The following NRXN1 variants were observed in gnomAD, a reference collection of about 807,000 sequenced individuals.
NRXN1 encodes neurexin-1.
In NRXN1, 39 loss-of-function variants were observed where a neutral mutation model predicts 150.9. The ratio of observed to expected loss-of-function variants is 0.26; its 90% CI spans 0.20 to 0.34. The LOEUF (loss-of-function observed/expected upper bound fraction) is 0.34. Among genes scored for constraint, NRXN1 ranks in the 10% least tolerant of loss-of-function variants. NRXN1 has a pLI of 1.00. For synonymous variants in NRXN1, 924 were observed against 757.0 expected (o/e 1.22, Z -3.62); for missense variants, 1,815 against 1,949.9 (o/e 0.93, Z 1.30).
intron 8 of NRXN1, among the ~76,000 whole-genome samples, chr2:50,557,316 A>T (rs1402029530): frequency 6.6e-6 from 1 of 152,222 alleles, no homozygotes; most frequent in Non-Finnish European, 1.5e-5. Context: ...AAGACTTTTC[A>T]TTACTTAACT....
chr2:50,813,595 T>C (rs1209359009), intron 5 of NRXN1, among the ~76,000 whole-genome samples: 1 of 152,192 alleles, frequency 6.6e-6, no homozygotes, highest in Non-Finnish European at 1.5e-5. Flanking sequence ...TGTTATAAGA[T>C]TAATACTCAG....
chr2:50,772,166 G>A (rs575341766), intron 5 of NRXN1, among the ~76,000 whole-genome samples: 6 of 151,892 alleles, frequency 4.0e-5, no homozygotes, highest in Non-Finnish European at 5.9e-5. Context: ...TGAGGTCTCC[G>A]ATGTGCTTGC....
At chr2:50,056,165 A>T (rs181523430) in intron 19 of NRXN1, among the ~76,000 whole-genome samples, 1 of 152,278 alleles carries the variant, frequency 6.6e-6, no homozygotes, top group Admixed American at 6.5e-5. Context: ...GAAATGTTGA[A>T]TGGTAGCACT....
chr2:50,055,153 T>A (rs917704022), intron 19 of NRXN1, 109 bp from the exon 20 acceptor site: 11 of 703,386 alleles, frequency 1.6e-5, no homozygotes, highest in Non-Finnish European at 2.3e-5. Context: ...TTTTGAAATT[T>A]GGAATTTTAA....
chr2:50,719,784 A>C (rs1167197526), intron 5 of NRXN1, among the ~76,000 whole-genome samples: 1 of 152,198 alleles, frequency 6.6e-6, no homozygotes, highest in African/African-American at 2.4e-5. Context: ...CACATAACTC[A>C]ATTTCTAGGT....
At chr2:50,323,233 G>A (rs1295230913) in intron 17 of NRXN1, among the ~76,000 whole-genome samples, 3 of 152,108 alleles carry the variant, frequency 2.0e-5, no homozygotes, top group Non-Finnish European at 4.4e-5. Context: ...TGGAGTGCTG[G>A]TTAAACTACA....
intron 5 of NRXN1, among the ~76,000 whole-genome samples, chr2:50,837,963 T>C (rs1250797449): frequency 6.6e-6 from 1 of 152,146 alleles, no homozygotes; most frequent in Non-Finnish European, 1.5e-5. Flanking sequence ...ACATTATCAA[T>C]CTTTTGATAT....
chr2:50,055,119 G>T (rs1175029291), intron 19 of NRXN1, 75 bp from the exon 20 acceptor site: 2 of 953,964 alleles, frequency 2.1e-6, no homozygotes, highest in African/African-American at 1.7e-5. Flanking sequence ...CTTAAAGATT[G>T]AGCTATACAG....
intron 17 of NRXN1, among the ~76,000 whole-genome samples, chr2:50,271,842 G>C (rs746620313): frequency 2.0e-5 from 3 of 151,756 alleles, no homozygotes; most frequent in Non-Finnish European, 4.4e-5. Flanking sequence ...AAAGACAAGA[G>C]AAAAAAAATC....
At chr2:50,080,265 C>T (rs113054951) in intron 19 of NRXN1, among the ~76,000 whole-genome samples, 13,546 of 152,014 alleles carry the variant, frequency 0.089, 697 homozygotes, top group Middle Eastern at 0.16. Flanking sequence ...CATATTGTTA[C>T]GATTGTTCTA....
At chr2:50,329,271 G>C (rs1363453540) in intron 17 of NRXN1, among the ~76,000 whole-genome samples, 1 of 151,954 alleles carries the variant, frequency 6.6e-6, no homozygotes, top group South Asian at 2.1e-4. Flanking sequence ...AGATAATTTG[G>C]TGAAATACAA....
chr2:50,602,935 C>T (rs936269411), intron 8 of NRXN1, among the ~76,000 whole-genome samples: 1 of 152,158 alleles, frequency 6.6e-6, no homozygotes, highest in Admixed American at 6.6e-5. Context: ...GAACAGAAGA[C>T]GCAGTCTGCC....
At chr2:50,757,582 C>T (rs1701297153) in intron 5 of NRXN1, among the ~76,000 whole-genome samples, 1 of 151,730 alleles carries the variant, frequency 6.6e-6, no homozygotes, top group African/African-American at 2.4e-5. Flanking sequence ...TATCATCACA[C>T]ATGCAGTATC....
At chr2:50,717,689 C>G (rs891765689) in intron 5 of NRXN1, among the ~76,000 whole-genome samples, 1 of 152,158 alleles carries the variant, frequency 6.6e-6, no homozygotes, top group East Asian at 1.9e-4. Context: ...ATTTACTTCT[C>G]ACAGTACAGG....
rs75959427 is a variant in NRXN1 at position 50,406,265 on chromosome 2, A to G, written c.3364+59177T>C. 8.1e-3 allele frequency among the ~76,000 whole-genome samples: 1,237 copies of G among 152,278 alleles called. 38 individuals carry two copies. The East Asian group carries it at 0.11, about 14-fold the overall frequency. ...CATAAAACAAGATGGAACTTTTAAG[A>G]GGAGACACAGTCATAAATCTGTTCT... On this transcript the variant is annotated intron_variant, in intron 17 of 22. Coordinates refer to ENST00000401669, the MANE Select transcript of NRXN1 (RefSeq NM_001330078.2).
chr2:50,365,709 A>G (rs1400245843), intron 17 of NRXN1, among the ~76,000 whole-genome samples: 1 of 151,982 alleles, frequency 6.6e-6, no homozygotes, highest in African/African-American at 2.4e-5. Context: ...TACTATTTTA[A>G]TTGCCTTTTT....
chr2:50,469,929 C>G (rs1289723807), intron 16 of NRXN1, among the ~76,000 whole-genome samples: 1 of 151,340 alleles, frequency 6.6e-6, no homozygotes, highest in Non-Finnish European at 1.5e-5. Flanking sequence ...GTAAACAACA[C>G]CAAACATCAT....
intron 17 of NRXN1, among the ~76,000 whole-genome samples, chr2:50,295,894 C>A (rs2073501659): frequency 6.6e-6 from 1 of 152,220 alleles, no homozygotes; most frequent in African/African-American, 2.4e-5. Flanking sequence ...CACTACTTAC[C>A]TGTAAAAGCT....
At chr2:50,733,895 A>AT (rs1698409181) in intron 5 of NRXN1, among the ~76,000 whole-genome samples, 4 of 152,094 alleles carry the variant, frequency 2.6e-5, no homozygotes, top group East Asian at 1.9e-4. Flanking sequence ...TAAAAACTCT[A>AT]TTTTTTTCAC....
Sources: allele counts gnomAD v4.1 joint callset (sites outside exome capture counted in the v4.1 genomes callset), GRCh38; gene constraint gnomAD v4.1.1; transcripts MANE v1.5; gene names NCBI Gene and HGNC (gene_info 2026-07-23, HGNC 2026-07-21).